The following RBM8A variants were observed in gnomAD, a reference collection of about 807,000 sequenced individuals.
RBM8A encodes RNA binding motif protein 8A.
In RBM8A, 8 loss-of-function variants were observed where a neutral mutation model predicts 25.1. The ratio of observed to expected loss-of-function variants is 0.32; its 90% CI spans 0.19 to 0.58. The LOEUF (loss-of-function observed/expected upper bound fraction) is 0.58, where lower values mean the gene tolerates loss of function less well. Among genes scored for constraint, RBM8A ranks in the 20% least tolerant of loss-of-function variants. The pLI is 0.88. For synonymous variants in RBM8A, 66 were observed against 80.0 expected, an observed-to-expected ratio of 0.82 and a Z score of 0.94; for missense variants, 114 against 236.8, an observed-to-expected ratio of 0.48 and a Z score of 3.40.
At chr1:145,926,763 C>T in intron 3 of RBM8A, 46 bp downstream of exon 3, 1 of 1,614,076 alleles carries the variant, frequency 6.2e-7, no homozygotes, top group Admixed American at 1.7e-5. Context: ...TGGTTTCTAA[C>T]TACTACCACA....
intron 4 of RBM8A, 69 bp downstream of exon 4, chr1:145,926,413 A>G: frequency 6.4e-7 from 1 of 1,573,966 alleles, no homozygotes; most frequent in Admixed American, 1.9e-5. Context: ...AACCACAGCA[A>G]ACACAGAACT....
intron 3 of RBM8A, 81 bp downstream of exon 3, chr1:145,926,728 T>C: frequency 6.2e-7 from 1 of 1,613,796 alleles, no homozygotes; most frequent in Admixed American, 1.7e-5. Flanking sequence ...TCTGAACCCA[T>C]TCCTACTGCG....
At position 145,923,315 on chromosome 1, in the gene RBM8A, A is replaced by T. The variant is rs1180495691; in HGVS notation, c.*2567T>A. 1.3e-5 allele frequency: 2 copies of T among 152,224 alleles called. No individual in the cohort carries two copies. Among genetic ancestry groups the T allele is most frequent in the Admixed American group, 6.5e-5 (1 of 15,280 alleles). 9.4% of individuals were successfully genotyped at this position (152,224 alleles called of 1,614,324 possible). ...CAAAAACAAAAAAAAAAACTTAGAA[A>T]TATATGAATGCAAGAGATGGGAAGA... is the stretch of plus-strand genomic sequence containing the variant. On this transcript the variant is annotated 3_prime_UTR_variant, in exon 6 of 6. Transcript: ENST00000583313.
rs781805813 is a variant in RBM8A, at chr1:145,926,092, G to A, written c.428C>T (p.Pro143Leu). The change falls in exon 5 of 6, where the codon CCC (proline) becomes CTC (leucine). Residue 143 changes from proline (P) to leucine (L), a missense_variant. Around this residue, in one of 2 missense-constraint regions of RBM8A, gnomAD observed 102 missense variants for 182.7 expected, o/e 0.56. Coordinates refer to ENST00000583313, the MANE Select transcript of RBM8A (RefSeq NM_005105.5). ...GLNGQDLMGQ[P>L]ISVDWCFVRG... is the part of the protein sequence containing the mutation. ...AACAAAACACCAGTCAACGCTGATG[G>A]GCTGTCCCATCAAATCCTGGCCATT... 2 of 1,614,190 alleles carry A rather than the reference G, an allele frequency of 1.2e-6. No individual in the cohort carries two copies. The highest frequency in any genetic ancestry group is 4.5e-5 in the East Asian group (2 of 44,892).
Position 145,925,001 on chromosome 1 carries a change from A to G in RBM8A, c.*881T>C. On this transcript the variant is annotated 3_prime_UTR_variant, in exon 6 of 6. Coordinates refer to ENST00000583313, the MANE Select transcript of RBM8A (RefSeq NM_005105.5). ...ACTGAAGTCCCTCCCAGCCTGAGCC[A>G]CATCCTTTTCCTCTTGGGCCTCCTC... 3.5e-6 allele frequency: 1 copy of G among 284,804 alleles called. No individual in the cohort carries two copies. Among genetic ancestry groups the G allele is most frequent in the Non-Finnish European group, 6.5e-6 (1 of 154,960 alleles). The allele number at this position is 284,804 out of a possible 1,614,324, so 17.6% of individuals were successfully genotyped here. A position where few individuals can be genotyped will look rare whatever the true frequency, so the allele number is the denominator to read the frequency against.
intron 1 of RBM8A, 41 bp from the exon 2 acceptor site, chr1:145,927,118 T>C: frequency 1.2e-6 from 2 of 1,601,776 alleles, no homozygotes; most frequent in Non-Finnish European, 1.7e-6. Flanking sequence ...ACTATGACAG[T>C]CATTTGTAAC....
intron 3 of RBM8A, 55 bp from the exon 4 acceptor site, chr1:145,926,673 C>T: frequency 1.2e-6 from 2 of 1,612,604 alleles, no homozygotes; most frequent in Non-Finnish European, 1.7e-6. Flanking sequence ...TTTAAGCAGG[C>T]TCACAGGAAT....
At position 145,926,176 on chromosome 1, in the gene RBM8A, C is replaced by T; in HGVS notation, c.344G>A (p.Gly115Glu). The T allele has an allele frequency of 6.2e-7, 1 of 1,613,114 alleles. No homozygotes were observed. The stretch of plus-strand genomic sequence containing the variant: ...TGTTTCATATTCAACTAGAGTATAC[C>T]CCTGGGGAAAGTGAAAAGACAGATA... ...NLDRRTGYLK[G>E]YTLVEYETYK... Residue 115 changes from glycine (G) to glutamate (E), a missense_variant and splice_region_variant, in exon 5 of 6, where the codon GGG (glycine) becomes GAG (glutamate). By Grantham distance (98) the Gly-to-Glu change is moderately conservative (BLOSUM62 -2). Transcript: ENST00000583313.
rs370508792 is a variant in RBM8A at position 145,926,491 on chromosome 1, T to A, written c.333A>T (p.Gly111=). The change falls in exon 4 of 6, where the codon GGA becomes GGT. Residue 111 remains glycine, a synonymous_variant. Transcript: ENST00000583313. The part of the protein sequence containing the change: ...NIHLNLDRRT[G]YLKGYTLVEY... ...GTGTCACTTAGGATACCTTCAGATA[T>A]CCTGTTCGCCTGTCGAGGTTGAGAT... 6.2e-7 allele frequency: 1 copy of A among 1,614,118 alleles called. No homozygotes were observed. Among genetic ancestry groups the A allele is most frequent in the Admixed American group, 1.7e-5 (1 of 59,998 alleles).
chr1:145,926,314 T>A, intron 4 of RBM8A, 137 bp from the exon 5 acceptor site: 1 of 1,425,776 alleles, frequency 7.0e-7, no homozygotes, highest in Non-Finnish European at 9.6e-7. Flanking sequence ...CTCTACTGTA[T>A]ATATACATCA....
chr1:145,925,832 G>A lies in RBM8A; in HGVS notation c.*50C>T, dbSNP rs1553755744. ...ACCCCAGTCCTATTTGTCCAAGGCT[G>A]CATGGTCAAATGGAATCTTGAAGAG... On this transcript the variant is annotated 3_prime_UTR_variant, in exon 6 of 6. Coordinates refer to ENST00000583313, the MANE Select transcript of RBM8A (RefSeq NM_005105.5). The A allele has an allele frequency of 6.4e-7, 1 of 1,560,434 alleles. No individual in the cohort carries two copies. Among genetic ancestry groups the A allele is most frequent in the South Asian group, 1.1e-5 (1 of 89,786 alleles).
rs782772037 is a variant in RBM8A, at chr1:145,927,456, C to A, written c.-30G>T. On this transcript the variant is annotated 5_prime_UTR_variant, in exon 1 of 6. Coordinates refer to ENST00000583313, the MANE Select transcript of RBM8A (RefSeq NM_005105.5). ...CCTTCGATCGAGATCTCGTCTGTGCCGCTCAGACACTAGGTACCTCGGGAA... is the reference window on the plus strand; with the variant it reads ...CCTTCGATCGAGATCTCGTCTGTGCAGCTCAGACACTAGGTACCTCGGGAA... 6.3e-6 allele frequency: 10 copies of A among 1,599,640 alleles called. No individual in the cohort carries two copies. Among genetic ancestry groups the A allele is most frequent in the South Asian group, 3.4e-5 (3 of 88,892 alleles).
At position 145,925,944 on chromosome 1, in the gene RBM8A, A is replaced by G; in HGVS notation, c.480-17T>C. ...CGGCCACCTCTAGGGAAAAAGAAGC[A>G]GGGAGAGGAGTCCATTAGAGGGACA... is the stretch of plus-strand genomic sequence containing the variant. On this transcript the variant is annotated splice_polypyrimidine_tract_variant and intron_variant, in intron 5 of 5. Transcript: ENST00000583313. 6.2e-7 allele frequency: 1 copy of G among 1,614,226 alleles called. No homozygotes were observed. Among genetic ancestry groups the G allele is most frequent in the Non-Finnish European group, 8.5e-7 (1 of 1,180,032 alleles).
chr1:145,926,784 C>G, intron 3 of RBM8A, 25 bp downstream of exon 3: 3 of 1,614,134 alleles, frequency 1.9e-6, no homozygotes, highest in Non-Finnish European at 2.5e-6. Flanking sequence ...GACACGGATA[C>G]CTCACAGGTT....
At position 145,921,819 on chromosome 1, in the gene RBM8A, G is replaced by C. The variant is rs1191469791; in HGVS notation, c.*4063C>G. Reference sequence around the variant, plus strand: ...TTATGTCAGAAGGAGGCCAAGAAGGGTCTAGGATTTATCTCTGGAATGACA... The same window carrying C: ...TTATGTCAGAAGGAGGCCAAGAAGGCTCTAGGATTTATCTCTGGAATGACA... On this transcript the variant is annotated 3_prime_UTR_variant, in exon 6 of 6. Transcript: ENST00000583313. 1 of 153,336 alleles carries C rather than the reference G, an allele frequency of 6.5e-6. No individual in the cohort carries two copies. Among genetic ancestry groups the C allele is most frequent in the Admixed American group, 6.5e-5 (1 of 15,284 alleles). The allele number at this position is 153,336 out of a possible 1,614,324, so 9.5% of individuals were successfully genotyped here.
At chr1:145,927,246 G>A (rs1648211250) in intron 1 of RBM8A, 114 bp downstream of exon 1, 3 of 1,461,000 alleles carry the variant, frequency 2.1e-6, no homozygotes, top group Middle Eastern at 3.6e-4. Flanking sequence ...ATCCACCCAA[G>A]ACCCGGTTCC....
In RBM8A at chr1:145,922,678, G is replaced by A. The variant is rs1647860565; in HGVS notation, c.*3204C>T. The A allele has an allele frequency of 6.6e-6, 1 of 152,154 alleles. No homozygotes were observed. The highest frequency in any genetic ancestry group is 1.5e-5 in the Non-Finnish European group (1 of 68,040). 9.4% of individuals were successfully genotyped at this position (152,154 alleles called of 1,614,324 possible). A position where few individuals can be genotyped will look rare whatever the true frequency, so the allele number is the denominator to read the frequency against. On this transcript the variant is annotated 3_prime_UTR_variant, in exon 6 of 6. Coordinates refer to ENST00000583313, the MANE Select transcript of RBM8A (RefSeq NM_005105.5). ...GTATTGCCCATATGCTGTAATTGTA[G>A]TTAAAATATTAGTGTTAATAAAATA...
In RBM8A at chr1:145,926,689, G is replaced by A. The variant is rs1648179541; in HGVS notation, c.206-71C>T. 7.4e-6 allele frequency: 12 copies of A among 1,612,284 alleles called. No individual in the cohort carries two copies. In the South Asian group the frequency reaches 1.3e-4, roughly 18 times the overall value. ...TTAAGCAGGCTCACAGGAATAGAGT[G>A]AGTGCGGACTCAGATTGTTTAAGCT... On this transcript the variant is annotated intron_variant, in intron 3 of 5. Coordinates refer to ENST00000583313, the MANE Select transcript of RBM8A (RefSeq NM_005105.5).
chr1:145,926,235 G>C (rs782229498), intron 4 of RBM8A, 58 bp from the exon 5 acceptor site: 19 of 1,596,258 alleles, frequency 1.2e-5, no homozygotes, highest in Non-Finnish European at 6.8e-6. Context: ...GTATCACTGA[G>C]TATCTTTTTC....
Sources: allele counts gnomAD v4.1 joint callset, GRCh38; gene constraint gnomAD v4.1.1; regional missense constraint gnomAD v4.1.1; transcripts MANE v1.5; gene names NCBI Gene and HGNC (gene_info 2026-07-23, HGNC 2026-07-21).